WNT4: variants seen among roughly 807,000 people sequenced by gnomAD.
WNT4 encodes the protein protein Wnt-4.
A neutral mutation model predicts 34.5 loss-of-function variants in WNT4; 16 were observed. The observed-to-expected ratio is 0.46, with a 90% CI of 0.31 to 0.70. The LOEUF (loss-of-function observed/expected upper bound fraction) is 0.70. Ranked by LOEUF, WNT4 falls within the 30% of genes least tolerant of loss-of-function variation. The pLI is 0.04. For missense variants in WNT4, 379 were observed against 495.9 expected (o/e 0.76, Z 2.24); for synonymous variants, 200 against 211.9 (o/e 0.94, Z 0.49).
At chr1:22,127,221 T>C (rs777593019) in intron 2 of WNT4, 1 of 468,904 alleles carries the variant, frequency 2.1e-6, no homozygotes, top group East Asian at 6.7e-5. Context: ...ACTCCACCAG[T>C]CAGACTTTAG....
At chr1:22,126,550 C>T (rs965607154) in intron 2 of WNT4, among the ~76,000 whole-genome samples, 3 of 152,188 alleles carry the variant, frequency 2.0e-5, no homozygotes, top group African/African-American at 4.8e-5. Flanking sequence ...GATGACCTGA[C>T]GTGATAGCAC....
In WNT4 at chr1:22,137,718, G is replaced by A. The variant is rs531137683; in HGVS notation, c.77+5128C>T. Among the ~76,000 whole-genome samples, 20 of 152,334 alleles carry A rather than the reference G, an allele frequency of 1.3e-4. No individual in the cohort carries two copies. In the South Asian group the frequency reaches 1.7e-3, roughly 13 times the overall value. ...TGACTGCTGCCTGAGCAACCCCCTC[G>A]GGCAGAGCCTGGTCCTGGGGTGCTG... On this transcript the variant is annotated intron_variant, in intron 1 of 4. Transcript: ENST00000290167. The surrounding 1 kb of genome is among the most constrained non-coding windows in gnomAD (Gnocchi z 5.3).
rs778194998 is a variant in WNT4 at position 22,128,548 on chromosome 1, C to T, written c.313+1068G>A. The stretch of plus-strand genomic sequence containing the variant: ...GGTCTCAGCTGAGGACCAATCTCCT[C>T]GGAAAAGCCTTCCCTGAGCATCCCA... On this transcript the variant is annotated intron_variant, in intron 2 of 4. Transcript: ENST00000290167. 1.8e-4 allele frequency among the ~76,000 whole-genome samples: 27 copies of T among 152,206 alleles called. No homozygotes were observed. In the Middle Eastern group the frequency reaches 0.017, roughly 97 times the overall value.
Position 22,120,003 on chromosome 1 carries a change from C to T in WNT4, c.*47G>A, listed in dbSNP as rs749111340. The T allele has an allele frequency of 1.6e-5, 25 of 1,592,576 alleles. No homozygotes were observed. The highest frequency in any genetic ancestry group is 2.0e-4 in the Middle Eastern group (1 of 4,914). On this transcript the variant is annotated 3_prime_UTR_variant, in exon 5 of 5. Transcript: ENST00000290167. ...GTGGGAGACTGTTTAAATTATCGGC[C>T]TTCCCTGGGCCACTAGGTGGTTGCC...
chr1:22,135,949 G>A (rs1239486143), intron 1 of WNT4, among the ~76,000 whole-genome samples: 1 of 152,072 alleles, frequency 6.6e-6, no homozygotes, highest in Non-Finnish European at 1.5e-5. Flanking sequence ...TCCTATCCTT[G>A]GAAGCCTCAG....
chr1:22,133,575 A>G (rs1645999255), intron 1 of WNT4, among the ~76,000 whole-genome samples: 1 of 152,236 alleles, frequency 6.6e-6, no homozygotes, highest in African/African-American at 2.4e-5. Context: ...GGCCTTGGCC[A>G]TCCCTGAGGC....
At chr1:22,125,889 TTATC>T (rs1258211441) in intron 2 of WNT4, among the ~76,000 whole-genome samples, 1 of 152,212 alleles carries the variant, frequency 6.6e-6, no homozygotes, top group Non-Finnish European at 1.5e-5. Context: ...TATTTGATAT[TTATC>T]AGTTCAGTAT....
chr1:22,129,461 G>A (rs547739955), intron 2 of WNT4, among the ~76,000 whole-genome samples, 155 bp downstream of exon 2: 18 of 152,218 alleles, frequency 1.2e-4, no homozygotes, highest in Non-Finnish European at 2.2e-4. Context: ...GGCCCCCAAC[G>A]CTCTGCATCC....
chr1:22,139,364 T>C lies in WNT4; in HGVS notation c.77+3482A>G, dbSNP rs976916030. On this transcript the variant is annotated intron_variant, in intron 1 of 4. Coordinates refer to ENST00000290167, the MANE Select transcript of WNT4 (RefSeq NM_030761.5). The surrounding 1 kb of genome is among the most constrained non-coding windows in gnomAD (Gnocchi z 4.6). ...CACCATTGTGCACCATTTGCATCAG[T>C]GGGCTCCATTTTACAGATGAGAAAC... 6.6e-6 allele frequency among the ~76,000 whole-genome samples: 1 copy of C among 152,208 alleles called. No individual in the cohort carries two copies. Among genetic ancestry groups the C allele is most frequent in the African/African-American group, 2.4e-5 (1 of 41,448 alleles).
intron 1 of WNT4, among the ~76,000 whole-genome samples, 161 bp from the exon 2 acceptor site, chr1:22,130,012 G>T (rs890605027): frequency 1.3e-5 from 2 of 152,180 alleles, no homozygotes; most frequent in Non-Finnish European, 2.9e-5. Context: ...CCTCTTGCCC[G>T]GCTCTAGGGG....
intron 1 of WNT4, among the ~76,000 whole-genome samples, chr1:22,141,673 C>A (rs1646068552): frequency 6.6e-6 from 1 of 151,830 alleles, no homozygotes; most frequent in South Asian, 2.1e-4. Flanking sequence ...CCCTGGGTGG[C>A]TCTGACCCCA....
At chr1:22,129,940 G>A in intron 1 of WNT4, 89 bp from the exon 2 acceptor site, 1 of 1,460,748 alleles carries the variant, frequency 6.8e-7, no homozygotes, top group Non-Finnish European at 9.5e-7. Context: ...GGGTCTCTGG[G>A]AACTGACTCG....
Position 22,142,893 on chromosome 1 carries a change from C to T in WNT4, c.30G>A (p.Leu10=). ...AGAAGACGGCGAAGACGAGGAGGCG[C>T]AGCGAACGCAGGCACGAGCGGGGAC... MSPRSCLRS[L]RLLVFAVFSA... The change falls in exon 1 of 5, where the codon CTG becomes CTA. Residue 10 remains leucine (L), a synonymous_variant. Transcript: ENST00000290167. This position sits in a 1 kb window ranked among gnomAD's most constrained non-coding sequence, Gnocchi z 6.0. The T allele has an allele frequency of 1.7e-6, 2 of 1,209,918 alleles. No individual in the cohort carries two copies. Among genetic ancestry groups the T allele is most frequent in the African/African-American group, 1.6e-5 (1 of 61,044 alleles). The allele number at this position is 1,209,918 out of a possible 1,614,324, so 74.9% of individuals were successfully genotyped here.
intron 1 of WNT4, among the ~76,000 whole-genome samples, chr1:22,131,397 G>T (rs1645982827): frequency 6.6e-6 from 1 of 152,206 alleles, no homozygotes. Context: ...GGCCTCTGAG[G>T]TTAATTGAAT....
At chr1:22,130,386 C>T (rs1466524174) in intron 1 of WNT4, among the ~76,000 whole-genome samples, 1 of 152,230 alleles carries the variant, frequency 6.6e-6, no homozygotes, top group African/African-American at 2.4e-5. Context: ...TGCTGCCACC[C>T]TTTGGAGGTG....
At chr1:22,121,022 T>C (rs1184314314) in intron 4 of WNT4, among the ~76,000 whole-genome samples, 189 bp downstream of exon 4, 1 of 152,036 alleles carries the variant, frequency 6.6e-6, no homozygotes, top group East Asian at 1.9e-4. Context: ...CTTACCCCAT[T>C]CTGTAACGCC....
rs900298481 is a variant in WNT4 at position 22,117,802 on chromosome 1, G to T, written c.*2248C>A. 2 of 152,318 alleles carry T rather than the reference G, an allele frequency of 1.3e-5. No individual in the cohort carries two copies. Among genetic ancestry groups the T allele is most frequent in the African/African-American group, 4.8e-5 (2 of 41,468 alleles). The allele number at this position is 152,318 out of a possible 1,614,324, so 9.4% of individuals were successfully genotyped here. A position where few individuals can be genotyped will look rare whatever the true frequency, so the allele number is the denominator to read the frequency against. On this transcript the variant is annotated 3_prime_UTR_variant, in exon 5 of 5. Coordinates refer to ENST00000290167, the MANE Select transcript of WNT4 (RefSeq NM_030761.5). ...GCAGTTCCCATCATACCAGCATCCA[G>T]CCTGGACCTACTGTTCCCTGGATGG...
rs773876465 is a variant in WNT4 at position 22,120,315 on chromosome 1, G to T, written c.791C>A (p.Pro264Gln). 1.6e-5 allele frequency: 26 copies of T among 1,614,238 alleles called. No homozygotes were observed. In the Admixed American group the frequency reaches 4.3e-4, roughly 27 times the overall value. ...ALVPRNAQFK[P>Q]HTDEDLVYLE... ...GTACACCAGGTCCTCATCTGTGTGC[G>T]GCTTGAACTGTGCGTTGCGTGGCAC... The change falls in exon 5 of 5, where the codon CCG becomes CAG. Residue 264 changes from proline to glutamine, a missense_variant. By Grantham distance (76) the Pro-to-Gln change is moderately conservative. Around this residue, in one of 2 missense-constraint regions of WNT4, gnomAD observed 313 missense variants for 445.8 expected, o/e 0.70. Coordinates refer to ENST00000290167, the MANE Select transcript of WNT4 (RefSeq NM_030761.5).
chr1:22,139,449 C>T lies in WNT4; in HGVS notation c.77+3397G>A, dbSNP rs1304737523. ...TCACTCAGCTGGGCAGGGCAGAGCT[C>T]GGTTGGATCTCAAAGACCCACTTCT... On this transcript the variant is annotated intron_variant, in intron 1 of 4. Coordinates refer to ENST00000290167, the MANE Select transcript of WNT4 (RefSeq NM_030761.5). The surrounding 1 kb of genome is among the most constrained non-coding windows in gnomAD (Gnocchi z 4.6). 2.6e-5 allele frequency among the ~76,000 whole-genome samples: 4 copies of T among 152,158 alleles called. No homozygotes were observed. The highest frequency in any genetic ancestry group is 4.4e-5 in the Non-Finnish European group (3 of 68,034).
Sources: gnomAD v4.1 joint callset for allele counts (sites outside exome capture counted in the v4.1 genomes callset) on GRCh38, gnomAD v4.1.1 for gene constraint, gnomAD v4.1.1 regional missense constraint, Gnocchi (gnomAD v3.1) non-coding constraint, MANE v1.5 for transcripts, NCBI Gene and HGNC (gene_info 2026-07-23, HGNC 2026-07-21) for gene names.